Variants in PDZD2 observed in about 807,000 individuals in gnomAD.
PDZD2 encodes PDZ domain-containing protein 2.
Under a neutral mutation model 220.7 loss-of-function variants are expected in PDZD2, and 90 were observed. The observed-to-expected ratio is 0.41, with a 90% CI of 0.34 to 0.49. The LOEUF (loss-of-function observed/expected upper bound fraction) is 0.49. PDZD2 is among the 20% of genes least tolerant of loss of function. The probability of loss-of-function intolerance (pLI) is 0.28; values close to 1 mark genes in which losing one functional copy is unlikely to be tolerated. For missense variants in PDZD2, 3,174 were observed against 3,608.5 expected (o/e 0.88, Z 3.08); for synonymous variants, 1,375 against 1,450.5 (o/e 0.95, Z 1.18).
At chr5:31,864,839 C>CTTT (rs70955752) in intron 2 of PDZD2, among the ~76,000 whole-genome samples, 23 of 70,952 alleles carry the variant, frequency 3.2e-4, no homozygotes, top group African/African-American at 5.3e-4. Context: ...TGAGATTTGT[C>CTTT]TTTTTTTTTT....
In PDZD2 at chr5:31,807,905, C is replaced by T. The variant is rs752778427; in HGVS notation, c.476+8181C>T. 2.0e-5 allele frequency among the ~76,000 whole-genome samples: 3 copies of T among 152,186 alleles called. No homozygotes were observed. The East Asian group carries it at 5.8e-4, about 29-fold the overall frequency. ...CCCTGGTCAGAAGTCACCTTCAGCA[C>T]AGTACCCGCTGCCTTGAACTTGCAT... On this transcript the variant is annotated intron_variant, in intron 2 of 24. Coordinates refer to ENST00000438447, the MANE Select transcript of PDZD2 (RefSeq NM_178140.4).
At chr5:31,825,219 C>T (rs1055934210) in intron 2 of PDZD2, among the ~76,000 whole-genome samples, 38 of 152,310 alleles carry the variant, frequency 2.5e-4, no homozygotes, top group African/African-American at 7.7e-4. Flanking sequence ...GAACACCAAA[C>T]GGAACCACAT....
rs1742689609 is a variant in PDZD2 at position 32,088,067 on chromosome 5, T to A, written c.4619T>A (p.Leu1540Gln). 6.2e-7 allele frequency: 1 copy of A among 1,614,124 alleles called. No homozygotes were observed. Among genetic ancestry groups the A allele is most frequent in the African/African-American group, 1.3e-5 (1 of 75,052 alleles). ...FHEDSTSLSG[L>Q]GDSTEPSLSS... ...GAAGACAGCACCTCCCTATCAGGCCTGGGTGACAGCACGGAGCCGTCTCTG... is the reference window on the plus strand; with the variant it reads ...GAAGACAGCACCTCCCTATCAGGCCAGGGTGACAGCACGGAGCCGTCTCTG... Residue 1540 changes from leucine to glutamine, a missense_variant, in exon 20 of 25, where the codon CTG (leucine) becomes CAG (glutamine). By Grantham distance (113) the Leu-to-Gln change is moderately radical (BLOSUM62 -2). This residue lies in a region of PDZD2 where 1,861 missense variants were observed against 2,001.0 expected (regional missense o/e 0.93). Transcript: ENST00000438447. This position sits in a 1 kb window ranked among gnomAD's most constrained non-coding sequence, Gnocchi z 4.6.
At chr5:32,014,860 C>T (rs1043299532) in intron 6 of PDZD2, among the ~76,000 whole-genome samples, 3 of 151,578 alleles carry the variant, frequency 2.0e-5, no homozygotes, top group Admixed American at 6.6e-5. Context: ...AGGCATGTGC[C>T]ACCATGCCCA....
chr5:31,983,067 C>T, intron 2 of PDZD2, 88 bp from the exon 3 acceptor site: 2 of 1,414,868 alleles, frequency 1.4e-6, no homozygotes, highest in Non-Finnish European at 1.9e-6. Context: ...CTGGTCGTCA[C>T]TTGGGTGGAC....
At chr5:31,827,705 A>T (rs543199279) in intron 2 of PDZD2, among the ~76,000 whole-genome samples, 3,592 of 138,288 alleles carry the variant, frequency 0.026, 111 homozygotes, top group Middle Eastern at 0.071. Flanking sequence ...AAAAATAAAT[A>T]AATAAAAAAA....
At chr5:32,081,867 G>A (rs761859956) in intron 19 of PDZD2, among the ~76,000 whole-genome samples, 2 of 151,834 alleles carry the variant, frequency 1.3e-5, no homozygotes, top group East Asian at 1.9e-4. Context: ...GACTACAGGC[G>A]TCCGCCACCA....
At chr5:32,035,941 TTTTG>T (rs1171239625) in intron 6 of PDZD2, among the ~76,000 whole-genome samples, 92 of 152,160 alleles carry the variant, frequency 6.0e-4, no homozygotes, top group African/African-American at 1.5e-3. Flanking sequence ...TTTTGTTTTG[TTTTG>T]TTTGTTTGTT....
chr5:32,076,006 C>T (rs1373795286), intron 18 of PDZD2, among the ~76,000 whole-genome samples: 2 of 152,162 alleles, frequency 1.3e-5, no homozygotes. Context: ...AAAGCATCGG[C>T]CGGGCACAGT....
At chr5:32,061,326 A>G (rs913036325) in intron 14 of PDZD2, among the ~76,000 whole-genome samples, 192 bp downstream of exon 14, 8 of 152,192 alleles carry the variant, frequency 5.3e-5, no homozygotes, top group African/African-American at 1.9e-4. Flanking sequence ...CATTTTGACA[A>G]TGTTATCTGG....
chr5:31,878,612 T>G (rs1237706014), intron 2 of PDZD2, among the ~76,000 whole-genome samples: 3 of 119,650 alleles, frequency 2.5e-5, no homozygotes, highest in African/African-American at 9.3e-5. Flanking sequence ...CAGGCTGGAG[T>G]GCAGTGGCGC....
chr5:31,679,282 C>T (rs980765990), intron 1 of PDZD2, among the ~76,000 whole-genome samples: 26 of 152,244 alleles, frequency 1.7e-4, no homozygotes, highest in Admixed American at 1.2e-3. Flanking sequence ...AATATTCTTT[C>T]GCTTTTGCGA....
intron 2 of PDZD2, among the ~76,000 whole-genome samples, chr5:31,849,859 CATATATATATACATATATAT>C (rs1757812404): frequency 1.1e-5 from 1 of 91,462 alleles, no homozygotes; most frequent in African/African-American, 5.9e-5. Context: ...CTCTCTCTCT[CATATATATATACATATATAT>C]ATATATATAC....
chr5:32,074,487 C>G lies in PDZD2; in HGVS notation c.3381C>G (p.His1127Gln). 1 of 1,614,142 alleles carries G rather than the reference C, an allele frequency of 6.2e-7. No individual in the cohort carries two copies. Among genetic ancestry groups the G allele is most frequent in the Non-Finnish European group, 8.5e-7 (1 of 1,179,940 alleles). The change falls in exon 18 of 25, where the codon CAC (histidine) becomes CAG (glutamine). Residue 1127 changes from histidine to glutamine, a missense_variant. By Grantham distance (24) the His-to-Gln change is conservative. Around this residue, in one of 4 missense-constraint regions of PDZD2, gnomAD observed 1,861 missense variants for 2,001.0 expected, o/e 0.93. Transcript: ENST00000438447. ...GACCAGTGGCCAGGGTAAGCCCCCA[C>G]TGCAAGAGATCCGAGGCTGAGGCCA... ...RHRPVARVSP[H>Q]CKRSEAEAKP...
chr5:32,026,928 A>G (rs1347828131), intron 6 of PDZD2, among the ~76,000 whole-genome samples: 1 of 152,026 alleles, frequency 6.6e-6, no homozygotes, highest in Non-Finnish European at 1.5e-5. Context: ...TTTGAGACAG[A>G]GTCTCGCTCT....
chr5:32,088,542 A>T lies in PDZD2; in HGVS notation c.5094A>T (p.Glu1698Asp), dbSNP rs755328341. Residue 1698 changes from glutamate to aspartate, a missense_variant, in exon 20 of 25, where the codon GAA (glutamate) becomes GAT (aspartate). Coordinates refer to ENST00000438447, the MANE Select transcript of PDZD2 (RefSeq NM_178140.4). The surrounding 1 kb of genome is among the most constrained non-coding windows in gnomAD (Gnocchi z 4.6). ...CCTCGTGTGCAGAAGAAACCACAGAAGTCACCAGCGCTAGCTCAGCCATGG... is the reference window on the plus strand; with the variant it reads ...CCTCGTGTGCAGAAGAAACCACAGATGTCACCAGCGCTAGCTCAGCCATGG... Reference protein sequence around the residue: ...HRPSCAEETTEVTSASSAMEN... With the variant: ...HRPSCAEETTDVTSASSAMEN... 3.1e-6 allele frequency: 5 copies of T among 1,614,106 alleles called. No homozygotes were observed. The highest frequency in any genetic ancestry group is 1.7e-6 in the Non-Finnish European group (2 of 1,179,942).
In PDZD2 at chr5:31,856,696, G is replaced by A. The variant is rs74474500; in HGVS notation, c.476+56972G>A. Among the ~76,000 whole-genome samples, 908 of 152,160 alleles carry A rather than the reference G, an allele frequency of 6.0e-3. 8 individuals carry two copies. The highest frequency in any genetic ancestry group is 0.021 in the African/African-American group (853 of 41,506). On this transcript the variant is annotated intron_variant, in intron 2 of 24. Coordinates refer to ENST00000438447, the MANE Select transcript of PDZD2 (RefSeq NM_178140.4). Reference sequence around the variant, plus strand: ...CTCTGTCACACTTAGGGATGGTGTCGTTGAAGAGAATGGTGAGTCCATTGC... The same window carrying A: ...CTCTGTCACACTTAGGGATGGTGTCATTGAAGAGAATGGTGAGTCCATTGC...
chr5:31,689,353 A>ATTT (rs1160111594), intron 1 of PDZD2, among the ~76,000 whole-genome samples: 6 of 35,114 alleles, frequency 1.7e-4, no homozygotes, highest in African/African-American at 4.2e-4. Flanking sequence ...ATATATATAT[A>ATTT]TTTTTTTTTT....
In PDZD2 at chr5:32,074,315, C is replaced by T; in HGVS notation, c.3209C>T (p.Pro1070Leu). Reference sequence around the variant, plus strand: ...TCTGCAGAGGCCCCCAAGGGGAGCCCTGGAAGCTGGTGGAAGAAGGAACTG... The same window carrying T: ...TCTGCAGAGGCCCCCAAGGGGAGCCTTGGAAGCTGGTGGAAGAAGGAACTG... Reference protein sequence around the residue: ...TDSAEAPKGSPGSWWKKELSG... With the variant: ...TDSAEAPKGSLGSWWKKELSG... The change falls in exon 18 of 25, where the codon CCT (proline) becomes CTT (leucine). Residue 1070 changes from proline (P) to leucine (L), a missense_variant. This residue lies in a region of PDZD2 where 1,861 missense variants were observed against 2,001.0 expected (regional missense o/e 0.93). Transcript: ENST00000438447. The T allele has an allele frequency of 1.4e-5, 22 of 1,614,156 alleles. No homozygotes were observed. Among genetic ancestry groups the T allele is most frequent in the Non-Finnish European group, 1.9e-5 (22 of 1,180,014 alleles).
Sources: allele counts gnomAD v4.1 joint callset (sites outside exome capture counted in the v4.1 genomes callset), GRCh38; gene constraint gnomAD v4.1.1; regional missense constraint gnomAD v4.1.1; non-coding constraint Gnocchi (gnomAD v3.1); transcripts MANE v1.5; gene names NCBI Gene and HGNC (gene_info 2026-07-23, HGNC 2026-07-21).